The following FMN1 variants were observed in gnomAD, a reference collection of about 807,000 sequenced individuals.
FMN1 encodes the protein formin 1.
A neutral mutation model predicts 132.4 loss-of-function variants in FMN1; 110 were observed. That is an observed-to-expected ratio of 0.83 (90% CI 0.71 to 0.97). FMN1 has a LOEUF of 0.97. FMN1 is among the 50% of genes least tolerant of loss of function. The pLI is 0.00. For synonymous variants in FMN1, 722 were observed against 651.7 expected (o/e 1.11, Z -1.64); for missense variants, 1,792 against 1,705.3 (o/e 1.05, Z -0.90).
intron 4 of FMN1, among the ~76,000 whole-genome samples, chr15:33,104,568 C>T (rs1158169342): frequency 1.3e-5 from 2 of 151,886 alleles, no homozygotes; most frequent in African/African-American, 4.8e-5. Context: ...TGAGATGAAC[C>T]TAAGATAGCG....
intron 18 of FMN1, among the ~76,000 whole-genome samples, chr15:32,802,465 T>C (rs967315498): frequency 3.9e-5 from 6 of 152,170 alleles, no homozygotes; most frequent in Admixed American, 2.0e-4. Flanking sequence ...CACACAAATA[T>C]TGCAACACTG....
intron 5 of FMN1, among the ~76,000 whole-genome samples, chr15:33,069,587 C>T (rs182185704): frequency 6.6e-6 from 1 of 152,164 alleles, no homozygotes; most frequent in Non-Finnish European, 1.5e-5. Flanking sequence ...GAGCCATGTT[C>T]TTCAGTACTA....
At chr15:33,075,055 C>T (rs1446044355) in intron 5 of FMN1, among the ~76,000 whole-genome samples, 1 of 125,894 alleles carries the variant, frequency 7.9e-6, no homozygotes, top group Admixed American at 8.8e-5. Context: ...AAAGAACAGA[C>T]CTTGAGTCCT....
intron 9 of FMN1, among the ~76,000 whole-genome samples, chr15:32,936,590 C>T (rs2061277069): frequency 6.6e-6 from 1 of 151,276 alleles, no homozygotes; most frequent in South Asian, 2.1e-4. Flanking sequence ...TAGAGTATGT[C>T]AAGTCCCATG....
intron 2 of FMN1, among the ~76,000 whole-genome samples, chr15:33,181,270 T>G (rs1965690355): frequency 6.6e-6 from 1 of 152,212 alleles, no homozygotes. Context: ...ATAGTTTTAC[T>G]TCTAAAAATT....
rs548086046 is a variant in FMN1 at position 32,932,253 on chromosome 15, A to G, written c.3139-5992T>C. 3.9e-5 allele frequency among the ~76,000 whole-genome samples: 6 copies of G among 152,220 alleles called. No individual in the cohort carries two copies. In the South Asian group the frequency reaches 1.2e-3, roughly 32 times the overall value. ...GTCTCTACTAAAAATACAAAAAATT[A>G]GCTGTGCATGGAGGCACGTGCCTGG... On this transcript the variant is annotated intron_variant, in intron 9 of 20. Coordinates refer to ENST00000616417, the MANE Select transcript of FMN1 (RefSeq NM_001277313.2).
chr15:32,881,096 A>C (rs1188081034), intron 16 of FMN1, among the ~76,000 whole-genome samples: 2 of 152,136 alleles, frequency 1.3e-5, no homozygotes, highest in Admixed American at 1.3e-4. Flanking sequence ...TATATTTTGT[A>C]TATTAATCAA....
chr15:32,964,478 T>C (rs898200800), intron 8 of FMN1, among the ~76,000 whole-genome samples: 1 of 152,176 alleles, frequency 6.6e-6, no homozygotes, highest in South Asian at 2.1e-4. Flanking sequence ...AAAAAAGTAA[T>C]TGTCATTAGC....
At chr15:33,016,821 G>C (rs892001725) in intron 6 of FMN1, among the ~76,000 whole-genome samples, 1 of 152,158 alleles carries the variant, frequency 6.6e-6, no homozygotes, top group Non-Finnish European at 1.5e-5. Context: ...CTTTGACGCA[G>C]GAGATGTGAA....
Position 32,968,801 on chromosome 15 carries a change from G to C in FMN1, c.2900C>G (p.Ser967Cys), listed in dbSNP as rs767739939. The change falls in exon 8 of 21, where the codon TCC becomes TGC. Residue 967 changes from serine to cysteine, a missense_variant. Physicochemically the swap from Ser to Cys is moderately radical, Grantham distance 112 (BLOSUM62 -1). Transcript: ENST00000616417. ...PGLFFGLGSS[S>C]SQCPRKPAIE... ...GGCTGGTTTTCGAGGACATTGACTG[G>C]AAGAAGAGCCAAGTCCAAAGAAGAG... 5.6e-6 allele frequency: 9 copies of C among 1,606,470 alleles called. No individual in the cohort carries two copies. Among genetic ancestry groups the C allele is most frequent in the Non-Finnish European group, 7.6e-6 (9 of 1,176,844 alleles).
At chr15:32,818,117 A>G (rs1182904904) in intron 17 of FMN1, among the ~76,000 whole-genome samples, 1 of 152,180 alleles carries the variant, frequency 6.6e-6, no homozygotes, top group Non-Finnish European at 1.5e-5. Flanking sequence ...AAATGTATAT[A>G]TTTATAATCA....
chr15:32,853,408 T>C (rs2059053481), intron 17 of FMN1, among the ~76,000 whole-genome samples: 1 of 152,202 alleles, frequency 6.6e-6, no homozygotes, highest in South Asian at 2.1e-4. Flanking sequence ...CAGTAATTTT[T>C]CTTTTTTTGT....
chr15:32,832,501 T>C (rs894468803), intron 17 of FMN1, among the ~76,000 whole-genome samples: 7 of 152,090 alleles, frequency 4.6e-5, no homozygotes, highest in Admixed American at 6.6e-5. Flanking sequence ...CAGAGGGGGC[T>C]GGGTGCGGTG....
intron 19 of FMN1, among the ~76,000 whole-genome samples, chr15:32,782,431 A>G (rs1355107920): frequency 2.0e-5 from 3 of 152,246 alleles, no homozygotes; most frequent in Non-Finnish European, 4.4e-5. Flanking sequence ...GTTACTGATT[A>G]GCTGATTAAG....
intron 15 of FMN1, among the ~76,000 whole-genome samples, chr15:32,896,968 A>G (rs1052659445): frequency 6.6e-6 from 1 of 152,086 alleles, no homozygotes; most frequent in African/African-American, 2.4e-5. Flanking sequence ...TCTATTTTTA[A>G]TTTTTTGAAG....
chr15:32,855,157 TAAA>T (rs750275479), intron 17 of FMN1, among the ~76,000 whole-genome samples: 20,871 of 85,560 alleles, frequency 0.24, 1,900 homozygotes, highest in East Asian at 0.42. Flanking sequence ...ACGTGGAGAG[TAAA>T]AAAAAAAAAA....
chr15:33,170,728 CA>C (rs1281751616), intron 3 of FMN1, among the ~76,000 whole-genome samples: 1 of 151,562 alleles, frequency 6.6e-6, no homozygotes, highest in African/African-American at 2.4e-5. Context: ...TAATAGCAGA[CA>C]AAAAAATAAC....
intron 6 of FMN1, among the ~76,000 whole-genome samples, chr15:33,043,929 T>C (rs1479950745): frequency 6.6e-6 from 1 of 152,182 alleles, no homozygotes; most frequent in African/African-American, 2.4e-5. Context: ...GCTGTGGACC[T>C]GGGCATCTCT....
intron 4 of FMN1, among the ~76,000 whole-genome samples, chr15:33,107,686 TTTC>T (rs2039539719): frequency 1.3e-5 from 2 of 152,106 alleles, no homozygotes; most frequent in South Asian, 2.1e-4. Context: ...GCAGAAAGGC[TTTC>T]TTGTCACTGC....
Sources: gnomAD v4.1 joint callset for allele counts (sites outside exome capture counted in the v4.1 genomes callset) on GRCh38, gnomAD v4.1.1 for gene constraint, MANE v1.5 for transcripts, NCBI Gene and HGNC (gene_info 2026-07-23, HGNC 2026-07-21) for gene names.